MEF2A: variants seen among roughly 807,000 people sequenced by gnomAD.
MEF2A encodes the protein myocyte enhancer factor 2A.
MEF2A carries 28 observed loss-of-function variants against 55.8 expected under a neutral mutation model. That is an observed-to-expected ratio of 0.50 (90% CI 0.37 to 0.69). The LOEUF is 0.69. Ranked by LOEUF, MEF2A falls within the 30% of genes least tolerant of loss-of-function variation. MEF2A has a pLI of 0.00. For missense variants in MEF2A, 528 were observed against 626.2 expected, an observed-to-expected ratio of 0.84 and a Z score of 1.67; for synonymous variants, 239 against 227.1, an observed-to-expected ratio of 1.05 and a Z score of -0.47.
chr15:99,575,175 G>A (rs1425988255), intron 1 of MEF2A, among the ~76,000 whole-genome samples: 1 of 152,098 alleles, frequency 6.6e-6, no homozygotes, highest in Non-Finnish European at 1.5e-5. Context: ...TCTTACATTA[G>A]TATGGGGGAT....
At position 99,712,879 on chromosome 15, in the gene MEF2A, A is replaced by G; in HGVS notation, c.*108A>G. ...TAAATATATTTATATGTACATACAT[A>G]TATATATCCCTTTACATATATATGT... On this transcript the variant is annotated 3_prime_UTR_variant, in exon 12 of 12. Transcript: ENST00000557942. The surrounding 1 kb of genome is among the most constrained non-coding windows in gnomAD (Gnocchi z 4.1). The G allele has an allele frequency of 8.5e-7, 1 of 1,182,074 alleles. No individual in the cohort carries two copies. The highest frequency in any genetic ancestry group is 1.2e-6 in the Non-Finnish European group (1 of 847,676). The allele number at this position is 1,182,074 out of a possible 1,614,324, so 73.2% of individuals were successfully genotyped here. A position where few individuals can be genotyped will look rare whatever the true frequency, so the allele number is the denominator to read the frequency against.
chr15:99,640,870 ACT>A (rs1312977332), intron 3 of MEF2A, among the ~76,000 whole-genome samples: 2 of 151,026 alleles, frequency 1.3e-5, no homozygotes, highest in Admixed American at 1.3e-4. Context: ...GAGGTCTGAA[ACT>A]CTGTGTTATC....
chr15:99,660,172 C>T (rs2048390712), intron 4 of MEF2A, among the ~76,000 whole-genome samples: 1 of 152,134 alleles, frequency 6.6e-6, no homozygotes, highest in Non-Finnish European at 1.5e-5. Flanking sequence ...TAGTCTACTT[C>T]GTGTTCACAT....
Position 99,714,688 on chromosome 15 carries a change from T to C in MEF2A, c.*1917T>C, listed in dbSNP as rs2058981367. On this transcript the variant is annotated 3_prime_UTR_variant, in exon 12 of 12. Coordinates refer to ENST00000557942, the MANE Select transcript of MEF2A (RefSeq NM_001319206.4). ...AATTCAAAGTCCTGTATATCTTTCA[T>C]TGTAGATTTTTAAATACTCCTTTTC... 1.3e-5 allele frequency: 2 copies of C among 152,190 alleles called. No individual in the cohort carries two copies. Among genetic ancestry groups the C allele is most frequent in the Non-Finnish European group, 2.9e-5 (2 of 68,036 alleles). 9.4% of individuals were successfully genotyped at this position (152,190 alleles called of 1,614,324 possible).
chr15:99,684,466 G>A (rs979258996), intron 7 of MEF2A, among the ~76,000 whole-genome samples: 1 of 152,330 alleles, frequency 6.6e-6, no homozygotes, highest in South Asian at 2.1e-4. Flanking sequence ...GATAATTAGT[G>A]ATGTTGAGCA....
At chr15:99,658,833 A>C (rs573700946) in intron 4 of MEF2A, among the ~76,000 whole-genome samples, 1 of 152,150 alleles carries the variant, frequency 6.6e-6, no homozygotes. Context: ...TAACACCTGT[A>C]TATCAGTGTT....
intron 7 of MEF2A, among the ~76,000 whole-genome samples, chr15:99,677,508 T>C (rs1419089260): frequency 6.6e-6 from 1 of 151,860 alleles, no homozygotes; most frequent in Non-Finnish European, 1.5e-5. Flanking sequence ...AAAGATAAGA[T>C]AGAAGAAAAT....
At chr15:99,614,263 CT>C (rs925616791) in intron 2 of MEF2A, among the ~76,000 whole-genome samples, 87 of 151,502 alleles carry the variant, frequency 5.7e-4, no homozygotes, top group East Asian at 4.6e-3. Flanking sequence ...AGAATAACTT[CT>C]TTTTTTTTGG....
At chr15:99,601,303 C>T (rs947076273) in intron 2 of MEF2A, among the ~76,000 whole-genome samples, 2 of 152,102 alleles carry the variant, frequency 1.3e-5, no homozygotes, top group Admixed American at 1.3e-4. Flanking sequence ...TTCAAATCAT[C>T]TGTGTAGATC....
chr15:99,698,506 G>A (rs960946836), intron 8 of MEF2A, among the ~76,000 whole-genome samples: 1 of 152,020 alleles, frequency 6.6e-6, no homozygotes, highest in Non-Finnish European at 1.5e-5. Context: ...TTAAGAAAAC[G>A]CAACGGCTGG....
At position 99,616,745 on chromosome 15, in the gene MEF2A, T is replaced by A. The variant is rs537153484; in HGVS notation, c.-142-16233T>A. On this transcript the variant is annotated intron_variant, in intron 2 of 11. Transcript: ENST00000557942. ...TACTGACAGTTGATGATGAGGGACA[T>A]CTTTTGGGTACCGGATATCTGTAAA... Among the ~76,000 whole-genome samples, 5 of 152,270 alleles carry A rather than the reference T, an allele frequency of 3.3e-5. No individual in the cohort carries two copies. The East Asian group carries it at 9.6e-4, about 29-fold the overall frequency.
At chr15:99,699,632 T>C (rs138124626) in intron 8 of MEF2A, among the ~76,000 whole-genome samples, 8 of 152,258 alleles carry the variant, frequency 5.3e-5, no homozygotes, top group African/African-American at 1.9e-4. Context: ...TAACATGATA[T>C]TGAAGGGGTG....
chr15:99,655,786 A>C (rs542534300), intron 4 of MEF2A, among the ~76,000 whole-genome samples: 2 of 152,266 alleles, frequency 1.3e-5, no homozygotes, highest in East Asian at 3.9e-4. Context: ...GAAAATTTGC[A>C]TAATTGTAAA....
chr15:99,695,983 A>C, intron 8 of MEF2A, among the ~76,000 whole-genome samples: 1 of 152,364 alleles, frequency 6.6e-6, no homozygotes, highest in African/African-American at 2.4e-5. Context: ...AGACCTATTA[A>C]TTTCAGACAA....
intron 2 of MEF2A, among the ~76,000 whole-genome samples, chr15:99,627,186 A>G (rs2042175204): frequency 6.6e-6 from 1 of 151,902 alleles, no homozygotes; most frequent in African/African-American, 2.4e-5. Flanking sequence ...AGGAACACGA[A>G]GTGGGTTAGG....
intron 3 of MEF2A, among the ~76,000 whole-genome samples, chr15:99,633,900 C>T (rs910095061): frequency 2.6e-5 from 4 of 152,256 alleles, no homozygotes; most frequent in South Asian, 2.1e-4. Flanking sequence ...TGGCTGCTTT[C>T]GCATTATAAC....
chr15:99,616,495 G>T (rs567345027), intron 2 of MEF2A, among the ~76,000 whole-genome samples: 6 of 152,014 alleles, frequency 3.9e-5, no homozygotes, highest in Non-Finnish European at 7.4e-5. Context: ...TTAAATATTG[G>T]CTTCTTTTAG....
intron 1 of MEF2A, among the ~76,000 whole-genome samples, chr15:99,589,267 G>A (rs990164189): frequency 6.6e-6 from 1 of 152,122 alleles, no homozygotes; most frequent in African/African-American, 2.4e-5. Context: ...TTCTTTCTGT[G>A]TCAGTTTTGA....
chr15:99,706,712 C>T lies in MEF2A; in HGVS notation c.883-17C>T, dbSNP rs2058078334. 2.5e-6 allele frequency: 4 copies of T among 1,610,066 alleles called. No homozygotes were observed. The highest frequency in any genetic ancestry group is 3.4e-6 in the Non-Finnish European group (4 of 1,176,360). On this transcript the variant is annotated splice_polypyrimidine_tract_variant and intron_variant, in intron 9 of 11. Coordinates refer to ENST00000557942, the MANE Select transcript of MEF2A (RefSeq NM_001319206.4). ...AATACCACATCAGAACACATTTTCTCTTTTTTGATCTCACAGAATACCCAG... is the reference window on the plus strand; with the variant it reads ...AATACCACATCAGAACACATTTTCTTTTTTTTGATCTCACAGAATACCCAG...
Sources: gnomAD v4.1 joint callset for allele counts (sites outside exome capture counted in the v4.1 genomes callset) on GRCh38, gnomAD v4.1.1 for gene constraint, Gnocchi (gnomAD v3.1) non-coding constraint, MANE v1.5 for transcripts, NCBI Gene and HGNC (gene_info 2026-07-23, HGNC 2026-07-21) for gene names.